ANKRD26: variants seen among roughly 807,000 people sequenced by gnomAD.
ANKRD26 encodes ankyrin repeat domain 26, also known as ankyrin repeat domain-containing protein 26.
A neutral mutation model predicts 208.7 loss-of-function variants in ANKRD26; 141 were observed. The observed-to-expected ratio is 0.68, with a 90% CI of 0.59 to 0.78. The LOEUF (loss-of-function observed/expected upper bound fraction) is 0.78, where lower values mean the gene tolerates loss of function less well. ANKRD26 is among the 30% of genes least tolerant of loss of function. ANKRD26 has a pLI of 0.00. For missense variants in ANKRD26, 1,889 were observed against 1,938.7 expected (o/e 0.97, Z 0.48); for synonymous variants, 636 against 660.4 (o/e 0.96, Z 0.57).
chr10:27,060,654 T>C (rs78778789), intron 13 of ANKRD26, 114 bp from the exon 14 acceptor site: 10 of 842,264 alleles, frequency 1.2e-5, no homozygotes, highest in African/African-American at 3.5e-5. Flanking sequence ...AAAATGATTA[T>C]GTTAATTTTT....
At chr10:26,981,431 G>C (rs1440064955) in intron 4 of ANKRD26, among the ~76,000 whole-genome samples, 1 of 152,158 alleles carries the variant, frequency 6.6e-6, no homozygotes, top group Non-Finnish European at 1.5e-5. Flanking sequence ...TTTTTGATTA[G>C]TTAAGATGTC....
intron 10 of ANKRD26, 26 bp from the exon 11 acceptor site, chr10:27,066,574 T>G: frequency 6.7e-7 from 1 of 1,489,806 alleles, no homozygotes; most frequent in Admixed American, 1.7e-5. Flanking sequence ...CACAGATATA[T>G]TCATGAGAAC....
intron 1 of ANKRD26, among the ~76,000 whole-genome samples, chr10:27,097,721 C>A (rs2056515441): frequency 1.3e-5 from 2 of 152,192 alleles, no homozygotes; most frequent in South Asian, 4.2e-4. Context: ...GCAATCTCAG[C>A]TCACTGTACC....
At chr10:27,007,591 G>C (rs921317002) in intron 32 of ANKRD26, among the ~76,000 whole-genome samples, 1 of 152,202 alleles carries the variant, frequency 6.6e-6, no homozygotes, top group African/African-American at 2.4e-5. Context: ...AGGAGGTGGA[G>C]GTTGCAGTGA....
chr10:27,007,262 C>T (rs1470708366), intron 32 of ANKRD26, among the ~76,000 whole-genome samples: 1 of 152,142 alleles, frequency 6.6e-6, no homozygotes, highest in African/African-American at 2.4e-5. Flanking sequence ...CAACTGAAGT[C>T]ATAGTTTGAA....
chr10:26,989,861 AG>A (rs1490732243), downstream of ANKRD26, among the ~76,000 whole-genome samples: 1 of 152,146 alleles, frequency 6.6e-6, no homozygotes, highest in African/African-American at 2.4e-5. Flanking sequence ...GATCTTGTCC[AG>A]GAAGTTCAGA....
chr10:27,046,310 C>G (rs1203490534), intron 18 of ANKRD26, 43 bp downstream of exon 18: 1 of 1,595,682 alleles, frequency 6.3e-7, no homozygotes, highest in Non-Finnish European at 8.6e-7. Flanking sequence ...AAAATTACTA[C>G]TAACCTTCCT....
chr10:27,099,677 G>A (rs2056585130), intron 1 of ANKRD26, among the ~76,000 whole-genome samples: 1 of 152,198 alleles, frequency 6.6e-6, no homozygotes, highest in Admixed American at 6.5e-5. Flanking sequence ...CACCGCGCCT[G>A]ACGAATAACA....
chr10:26,962,407 T>C, the ANKRD26 span, among the ~76,000 whole-genome samples: 2 of 151,982 alleles, frequency 1.3e-5, no homozygotes, highest in Admixed American at 1.3e-4. Flanking sequence ...AAACCCTGTC[T>C]CTACTAAAAA....
intron 3 of ANKRD26, among the ~76,000 whole-genome samples, chr10:26,983,017 T>C (rs2052331381): frequency 6.6e-6 from 1 of 152,192 alleles, no homozygotes; most frequent in Admixed American, 6.5e-5. Flanking sequence ...AAGATATAAA[T>C]CCAAAATTCA....
rs188585952 is a variant in ANKRD26 at position 27,065,680 on chromosome 10, A to C, written c.1269+807T>G. 4.2e-4 allele frequency among the ~76,000 whole-genome samples: 63 copies of C among 150,662 alleles called. No individual in the cohort carries two copies. In the East Asian group the frequency reaches 8.8e-3, roughly 21 times the overall value. On this transcript the variant is annotated intron_variant, in intron 11 of 33. Coordinates refer to ENST00000376087, the MANE Select transcript of ANKRD26 (RefSeq NM_014915.3). ...CTGCAGATCTATACAAATATATATTAATACTTTAAAGTACCAGGCATTATC... is the reference window on the plus strand; with the variant it reads ...CTGCAGATCTATACAAATATATATTCATACTTTAAAGTACCAGGCATTATC...
intron 12 of ANKRD26, among the ~76,000 whole-genome samples, chr10:27,063,612 G>A (rs550183684): frequency 2.0e-5 from 3 of 152,190 alleles, no homozygotes; most frequent in East Asian, 3.9e-4. Context: ...TAAGCCACGC[G>A]CCTGGCCCTA....
rs548221472 is a variant in ANKRD26, at chr10:27,060,465, T to C, written c.1491+47A>G. 9.0e-6 allele frequency: 14 copies of C among 1,559,886 alleles called. No individual in the cohort carries two copies. The East Asian group carries it at 1.1e-4, about 13-fold the overall frequency. On this transcript the variant is annotated intron_variant, in intron 14 of 33. Coordinates refer to ENST00000376087, the MANE Select transcript of ANKRD26 (RefSeq NM_014915.3). ...TGATTAATAAATAATGTATACTTTA[T>C]ACAATATGCACTTAATAATTCAAGA...
chr10:27,021,396 A>G (rs2053482530), intron 29 of ANKRD26, among the ~76,000 whole-genome samples: 1 of 152,222 alleles, frequency 6.6e-6, no homozygotes, highest in Admixed American at 6.5e-5. Flanking sequence ...ACTACTTTAC[A>G]TTCCCACCAA....
rs756681147 is a variant in ANKRD26, at chr10:27,043,585, C to A, written c.2020-18G>T. On this transcript the variant is annotated intron_variant, in intron 19 of 33. Coordinates refer to ENST00000376087, the MANE Select transcript of ANKRD26 (RefSeq NM_014915.3). ...TTTTTGACCTATGAAATAAATAACA[C>A]TGTTTCAAAATGTCCCCAGAATATT... 5 of 1,607,898 alleles carry A rather than the reference C, an allele frequency of 3.1e-6. No individual in the cohort carries two copies. Among genetic ancestry groups the A allele is most frequent in the Non-Finnish European group, 4.3e-6 (5 of 1,174,970 alleles).
At chr10:27,039,888 T>C in intron 21 of ANKRD26, 77 bp downstream of exon 21, 2 of 1,378,918 alleles carry the variant, frequency 1.5e-6, no homozygotes. Context: ...CCCCAGAAGA[T>C]AAGTCAGCAA....
At chr10:26,956,908 A>G in the ANKRD26 span, among the ~76,000 whole-genome samples, 10 of 152,228 alleles carry the variant, frequency 6.6e-5, no homozygotes, top group Non-Finnish European at 1.5e-5. Flanking sequence ...AGGTGTGTCT[A>G]AAGGAATATG....
chr10:27,065,128 C>A (rs774112029), intron 11 of ANKRD26, among the ~76,000 whole-genome samples: 2 of 152,172 alleles, frequency 1.3e-5, no homozygotes, highest in Non-Finnish European at 2.9e-5. Flanking sequence ...TCAGAAAGAT[C>A]TTCTCTGACT....
intron 9 of ANKRD26, among the ~76,000 whole-genome samples, chr10:27,070,524 C>T (rs184045909): frequency 7.2e-5 from 11 of 152,272 alleles, no homozygotes; most frequent in Non-Finnish European, 1.3e-4. Context: ...ATCAAGTCAA[C>T]AGGATTCTGA....
Sources: allele counts gnomAD v4.1 joint callset (sites outside exome capture counted in the v4.1 genomes callset), GRCh38; gene constraint gnomAD v4.1.1; transcripts MANE v1.5; gene names NCBI Gene and HGNC (gene_info 2026-07-23, HGNC 2026-07-21).